ATP6V0A1: variants seen among roughly 807,000 people sequenced by gnomAD.
ATP6V0A1 encodes V-type proton ATPase 116 kDa subunit a 1.
In ATP6V0A1, 43 loss-of-function variants were observed where a neutral mutation model predicts 105.4. The ratio of observed to expected loss-of-function variants is 0.41; its 90% confidence interval spans 0.32 to 0.53. ATP6V0A1 has a LOEUF of 0.53. Among genes scored for constraint, ATP6V0A1 ranks in the 20% least tolerant of loss-of-function variants. The pLI, the probability that ATP6V0A1 is intolerant of heterozygous loss-of-function variation, is 0.30. For missense variants in ATP6V0A1, 676 were observed against 1,051.1 expected (o/e 0.64, Z 4.93); for synonymous variants, 362 against 372.8 (o/e 0.97, Z 0.33).
intron 11 of ATP6V0A1, among the ~76,000 whole-genome samples, chr17:42,492,391 G>C (rs761285948): frequency 1.3e-5 from 2 of 150,990 alleles, no homozygotes; most frequent in African/African-American, 2.4e-5. Flanking sequence ...CAGGTTTACT[G>C]TCAGGTAGCG....
chr17:42,465,383 C>T (rs938965743), intron 2 of ATP6V0A1, among the ~76,000 whole-genome samples: 88 of 151,894 alleles, frequency 5.8e-4, no homozygotes, highest in African/African-American at 2.0e-3. Context: ...CTCAGCTTCC[C>T]GGGTTCAAGC....
chr17:42,506,157 A>C (rs1262122106), intron 17 of ATP6V0A1, among the ~76,000 whole-genome samples: 1 of 152,178 alleles, frequency 6.6e-6, no homozygotes, highest in Non-Finnish European at 1.5e-5. Context: ...TGAATCTCAA[A>C]GGGTTCATGC....
chr17:42,470,216 G>A lies in ATP6V0A1; in HGVS notation c.421G>A (p.Glu141Lys). The change falls in exon 5 of 22, where the codon GAG becomes AAG. Residue 141 changes from glutamate (E) to lysine (K), a missense_variant and splice_region_variant. Around this residue, in one of 3 missense-constraint regions of ATP6V0A1, gnomAD observed 239 missense variants for 388.4 expected, o/e 0.62. Coordinates refer to ENST00000343619, the MANE Select transcript of ATP6V0A1 (RefSeq NM_001130021.3). ...ILRKTQQFFDEMADPDLLEES... is the reference protein window; with the variant it reads ...ILRKTQQFFDKMADPDLLEES... ...TCGCAAAACTCAGCAATTTTTTGATGAGGTCAGACTATTGTTTCTTTTAGT... is the reference window on the plus strand; with the variant it reads ...TCGCAAAACTCAGCAATTTTTTGATAAGGTCAGACTATTGTTTCTTTTAGT... 1 of 1,612,766 alleles carries A rather than the reference G, an allele frequency of 6.2e-7. No individual in the cohort carries two copies. The highest frequency in any genetic ancestry group is 8.5e-7 in the Non-Finnish European group (1 of 1,179,462).
At chr17:42,490,670 A>C in intron 11 of ATP6V0A1, 33 bp downstream of exon 11, 1 of 1,563,546 alleles carries the variant, frequency 6.4e-7, no homozygotes, top group Non-Finnish European at 8.6e-7. Flanking sequence ...TTTCCTCTAG[A>C]GTTTTTTTTG....
intron 5 of ATP6V0A1, among the ~76,000 whole-genome samples, chr17:42,472,653 G>A (rs1266972690): frequency 1.3e-5 from 2 of 152,058 alleles, no homozygotes; most frequent in Non-Finnish European, 2.9e-5. Flanking sequence ...GAACCGGGGA[G>A]GCGGAGGTTG....
intron 5 of ATP6V0A1, among the ~76,000 whole-genome samples, chr17:42,476,886 G>GT: frequency 6.6e-6 from 1 of 152,222 alleles, no homozygotes; most frequent in East Asian, 1.9e-4. Flanking sequence ...AACTTATTTA[G>GT]AAGATTCCTA....
chr17:42,495,008 C>G, intron 12 of ATP6V0A1, 26 bp from the exon 13 acceptor site: 1 of 1,608,486 alleles, frequency 6.2e-7, no homozygotes, highest in South Asian at 1.1e-5. Context: ...AGTACATTCT[C>G]ATTACTTCTT....
chr17:42,487,466 G>A, intron 10 of ATP6V0A1, 99 bp downstream of exon 10: 1 of 1,221,988 alleles, frequency 8.2e-7, no homozygotes, highest in Non-Finnish European at 1.2e-6. Context: ...GGTGGCTCAT[G>A]CCTGTAATCC....
At position 42,491,579 on chromosome 17, in the gene ATP6V0A1, G is replaced by A. The variant is rs111994824; in HGVS notation, c.1174+942G>A. On this transcript the variant is annotated intron_variant, in intron 11 of 21. Coordinates refer to ENST00000343619, the MANE Select transcript of ATP6V0A1 (RefSeq NM_001130021.3). Reference sequence around the variant, plus strand: ...GCTCACCACATCCTCTGCCTCCCAGGTTCAAGCGATTCTCCTGCCTCAGCC... The same window carrying A: ...GCTCACCACATCCTCTGCCTCCCAGATTCAAGCGATTCTCCTGCCTCAGCC... 9.3e-3 allele frequency among the ~76,000 whole-genome samples: 1,412 copies of A among 152,282 alleles called. 31 individuals are homozygous for A. The highest frequency in any genetic ancestry group is 0.032 in the African/African-American group (1,338 of 41,550).
chr17:42,474,296 C>T (rs2088421489), intron 5 of ATP6V0A1, among the ~76,000 whole-genome samples: 1 of 152,046 alleles, frequency 6.6e-6, no homozygotes, highest in African/African-American at 2.4e-5. Context: ...CCACCGCACC[C>T]AGCCTCCCCC....
intron 1 of ATP6V0A1, among the ~76,000 whole-genome samples, chr17:42,460,012 A>G (rs1482049637): frequency 6.6e-6 from 1 of 152,212 alleles, no homozygotes; most frequent in African/African-American, 2.4e-5. Context: ...GACCACTGAT[A>G]GCGCCAGTTG....
Position 42,478,200 on chromosome 17 carries a change from G to A in ATP6V0A1, c.507-263G>A, listed in dbSNP as rs545542335. Among the ~76,000 whole-genome samples the A allele has an allele frequency of 8.0e-5, 11 of 136,892 alleles. No individual in the cohort carries two copies. In the East Asian group the frequency reaches 1.1e-3, roughly 14 times the overall value. 89.8% of individuals were successfully genotyped at this position (136,892 alleles called of 152,430 possible). A position where few individuals can be genotyped will look rare whatever the true frequency, so the allele number is the denominator to read the frequency against. On this transcript the variant is annotated intron_variant, in intron 6 of 21. Transcript: ENST00000343619. ...CACAGGAAGGGGAACATCACACACC[G>A]GGGCCTGTTGTGGGGTGGGGGGAGG...
intron 18 of ATP6V0A1, 97 bp downstream of exon 18, chr17:42,507,724 A>G (rs945791195): frequency 2.9e-6 from 3 of 1,026,878 alleles, no homozygotes; most frequent in Non-Finnish European, 4.6e-6. Context: ...TCCTTGAAAA[A>G]TAAAAATACT....
intron 21 of ATP6V0A1, chr17:42,520,440 A>G (rs1424455368): frequency 1.1e-5 from 5 of 456,478 alleles, no homozygotes; most frequent in Non-Finnish European, 2.2e-5. Context: ...TTTAGTCCCC[A>G]AGAGAAGAAT....
In ATP6V0A1 at chr17:42,507,450, GC is replaced by G; in HGVS notation, c.2005-67del. ...TCTGAGGTTTGTGTTACTAACCATCGCCCTTCCCACCTCACAGAATGTCATG... is the reference window on the plus strand; with the variant it reads ...TCTGAGGTTTGTGTTACTAACCATCGCCTTCCCACCTCACAGAATGTCATG... On this transcript the variant is annotated intron_variant, in intron 17 of 21. Transcript: ENST00000343619. 3.6e-6 allele frequency: 4 copies of G among 1,103,120 alleles called. No homozygotes were observed. In the South Asian group the frequency reaches 5.7e-5, roughly 16 times the overall value. 68.3% of individuals were successfully genotyped at this position (1,103,120 alleles called of 1,614,324 possible).
intron 14 of ATP6V0A1, chr17:42,496,187 C>T (rs908478829): frequency 1.3e-5 from 2 of 153,772 alleles, no homozygotes; most frequent in Non-Finnish European, 2.9e-5. Flanking sequence ...CATAAGAGAC[C>T]CAAGTGCCTT....
At chr17:42,462,583 C>A (rs938208197) in intron 2 of ATP6V0A1, among the ~76,000 whole-genome samples, 1 of 151,942 alleles carries the variant, frequency 6.6e-6, no homozygotes, top group African/African-American at 2.4e-5. Flanking sequence ...CCATGCCCAG[C>A]TAATTTTTGT....
intron 3 of ATP6V0A1, among the ~76,000 whole-genome samples, chr17:42,466,753 G>C (rs2087123258): frequency 6.6e-6 from 1 of 152,160 alleles, no homozygotes; most frequent in African/African-American, 2.4e-5. Flanking sequence ...TTTTTTGTGA[G>C]ATTTTAATAA....
At chr17:42,498,743 G>A (rs954814699) in intron 14 of ATP6V0A1, among the ~76,000 whole-genome samples, 181 bp from the exon 15 acceptor site, 5 of 151,970 alleles carry the variant, frequency 3.3e-5, no homozygotes, top group South Asian at 2.1e-4. Flanking sequence ...GGAGAATGGC[G>A]TGAACCCGGA....
Sources: allele counts gnomAD v4.1 joint callset (sites outside exome capture counted in the v4.1 genomes callset), GRCh38; gene constraint gnomAD v4.1.1; regional missense constraint gnomAD v4.1.1; transcripts MANE v1.5; gene names NCBI Gene and HGNC (gene_info 2026-07-23, HGNC 2026-07-21).